Variants in EML4 observed in about 807,000 individuals in gnomAD.
EML4 encodes EMAP like 4.
In EML4, 72 loss-of-function variants were observed where a neutral mutation model predicts 129.0. The observed-to-expected ratio is 0.56, with a 90% confidence interval of 0.46 to 0.68. The LOEUF (loss-of-function observed/expected upper bound fraction) is 0.68. EML4 is among the 30% of genes least tolerant of loss of function. EML4 has a pLI of 0.00. For synonymous variants in EML4, 532 were observed against 405.0 expected (o/e 1.31, Z -3.77); for missense variants, 1,363 against 1,190.6 (o/e 1.14, Z -2.13).
chr2:42,224,027 G>A (rs1440386625), intron 1 of EML4, among the ~76,000 whole-genome samples: 1 of 152,008 alleles, frequency 6.6e-6, no homozygotes, highest in Non-Finnish European at 1.5e-5. Context: ...TATTGAATGA[G>A]GGTTTTTTTG....
chr2:42,232,176 A>C (rs1370355521), intron 1 of EML4, among the ~76,000 whole-genome samples: 1 of 152,208 alleles, frequency 6.6e-6, no homozygotes, highest in Admixed American at 6.5e-5. Context: ...CCCTGAAATT[A>C]GATTTCGATT....
At chr2:42,321,330 C>T (rs533598079) in intron 19 of EML4, among the ~76,000 whole-genome samples, 2 of 152,150 alleles carry the variant, frequency 1.3e-5, no homozygotes, top group South Asian at 2.1e-4. Flanking sequence ...TTGCAGTGAG[C>T]CAAGATGGCG....
At chr2:42,245,351 C>G (rs1184304118) in intron 1 of EML4, among the ~76,000 whole-genome samples, 154 bp from the exon 2 acceptor site, 1 of 151,412 alleles carries the variant, frequency 6.6e-6, no homozygotes, top group Non-Finnish European at 1.5e-5. Context: ...CTCTCTTGGC[C>G]CCTCAAAGTT....
At position 42,329,791 on chromosome 2, in the gene EML4, C is replaced by T. The variant is rs1670000678; in HGVS notation, c.2530C>T (p.His844Tyr). The change falls in exon 23 of 23, where the codon CAC (histidine) becomes TAC (tyrosine). Residue 844 changes from histidine (H) to tyrosine (Y), a missense_variant. His to Tyr is a moderately conservative substitution (Grantham distance 83). Transcript: ENST00000318522. ...CCATGTCACCAATGTCAGTTTTACT[C>T]ACAATGACAGTCACCTGATATCAAC... ...SSHVTNVSFT[H>Y]NDSHLISTGG... The T allele has an allele frequency of 6.2e-7, 1 of 1,614,050 alleles. No individual in the cohort carries two copies. Among genetic ancestry groups the T allele is most frequent in the African/African-American group, 1.3e-5 (1 of 74,930 alleles).
intron 5 of EML4, among the ~76,000 whole-genome samples, chr2:42,264,103 G>GTTTTTTTTTTTT (rs9309080): frequency 9.9e-6 from 1 of 100,748 alleles, no homozygotes. Context: ...AACAATACGT[G>GTTTTTTTTTTTT]TTTTTTTTTT....
At chr2:42,300,906 A>G (rs1668248778) in intron 13 of EML4, among the ~76,000 whole-genome samples, 1 of 152,142 alleles carries the variant, frequency 6.6e-6, no homozygotes, top group African/African-American at 2.4e-5. Flanking sequence ...TAGCTACCAT[A>G]CAAGATGATT....
intron 19 of EML4, among the ~76,000 whole-genome samples, chr2:42,323,249 C>T (rs543254133): frequency 7.1e-4 from 108 of 152,290 alleles, no homozygotes; most frequent in Middle Eastern, 3.4e-3. Flanking sequence ...CTTCCCCAGA[C>T]GCCAGAGCCA....
At chr2:42,292,583 A>G (rs1183084752) in intron 11 of EML4, among the ~76,000 whole-genome samples, 1 of 152,234 alleles carries the variant, frequency 6.6e-6, no homozygotes, top group Non-Finnish European at 1.5e-5. Context: ...TGCTGCTAAG[A>G]GTCAGGATGA....
chr2:42,208,041 A>G (rs1437621852), intron 1 of EML4: 1 of 152,216 alleles, frequency 6.6e-6, no homozygotes, highest in Non-Finnish European at 1.5e-5. Flanking sequence ...ACTTCGTGAT[A>G]GCAGCTCACA....
At chr2:42,243,832 CTT>C (rs1183627385) in intron 1 of EML4, among the ~76,000 whole-genome samples, 1 of 151,908 alleles carries the variant, frequency 6.6e-6, no homozygotes, top group Non-Finnish European at 1.5e-5. Flanking sequence ...TGGTTTTAAA[CTT>C]TGAATTAAAT....
chr2:42,263,725 C>T (rs1284767912), intron 5 of EML4, among the ~76,000 whole-genome samples: 1 of 144,480 alleles, frequency 6.9e-6, no homozygotes, highest in Non-Finnish European at 1.5e-5. Context: ...TTTTTAAAAA[C>T]TCTGTATTAT....
Position 42,328,867 on chromosome 2 carries a change from C to T in EML4, c.2342-19C>T. On this transcript the variant is annotated intron_variant, in intron 21 of 22. Coordinates refer to ENST00000318522, the MANE Select transcript of EML4 (RefSeq NM_019063.5). Reference sequence around the variant, plus strand: ...TTCTTCAGCTAATTTTTCTGCATCCCTGTGTTTCCATATCAAAGGTGTCTG... The same window carrying T: ...TTCTTCAGCTAATTTTTCTGCATCCTTGTGTTTCCATATCAAAGGTGTCTG... The T allele has an allele frequency of 6.3e-7, 1 of 1,574,804 alleles. No homozygotes were observed. Among genetic ancestry groups the T allele is most frequent in the South Asian group, 1.2e-5 (1 of 86,522 alleles).
At chr2:42,218,802 G>A (rs1673366363) in intron 1 of EML4, among the ~76,000 whole-genome samples, 1 of 152,168 alleles carries the variant, frequency 6.6e-6, no homozygotes, top group Non-Finnish European at 1.5e-5. Context: ...TAGTATGGTA[G>A]TGGCTTCTTT....
intron 6 of EML4, among the ~76,000 whole-genome samples, chr2:42,270,976 G>A (rs887194871): frequency 2.6e-5 from 4 of 152,062 alleles, no homozygotes; most frequent in African/African-American, 7.2e-5. Flanking sequence ...GCTCACTGCA[G>A]CCTTGACCTC....
intron 19 of EML4, among the ~76,000 whole-genome samples, chr2:42,320,868 A>G (rs1307183592): frequency 1.3e-5 from 2 of 152,120 alleles, no homozygotes; most frequent in South Asian, 2.1e-4. Flanking sequence ...TGATATCCTA[A>G]AAAGCATTAC....
At chr2:42,295,861 GT>G (rs1348937320) in intron 13 of EML4, among the ~76,000 whole-genome samples, 5 of 152,174 alleles carry the variant, frequency 3.3e-5, no homozygotes, top group African/African-American at 1.2e-4. Context: ...GCATGGCCAT[GT>G]GATAAAATGG....
chr2:42,257,564 G>A (rs1676237226), intron 3 of EML4, among the ~76,000 whole-genome samples: 2 of 152,142 alleles, frequency 1.3e-5, no homozygotes, highest in African/African-American at 2.4e-5. Context: ...GGCCGGGCAC[G>A]GTGGCTCATG....
chr2:42,246,745 T>TC (rs1675425718), intron 2 of EML4, among the ~76,000 whole-genome samples: 1 of 152,170 alleles, frequency 6.6e-6, no homozygotes, highest in Non-Finnish European at 1.5e-5. Flanking sequence ...GAGAAGGCAG[T>TC]CCAGCATAGT....
chr2:42,186,366 G>A (rs1410252842), intron 1 of EML4, among the ~76,000 whole-genome samples: 1 of 152,002 alleles, frequency 6.6e-6, no homozygotes, highest in Non-Finnish European at 1.5e-5. Flanking sequence ...TTACTGTAAG[G>A]TAAATATTTT....
Sources: gnomAD v4.1 joint callset for allele counts (sites outside exome capture counted in the v4.1 genomes callset) on GRCh38, gnomAD v4.1.1 for gene constraint, MANE v1.5 for transcripts, NCBI Gene and HGNC (gene_info 2026-07-23, HGNC 2026-07-21) for gene names.